Variants in CCNDBP1 observed in about 807,000 individuals in gnomAD.
CCNDBP1 encodes the protein cyclin-D1-binding protein 1.
In CCNDBP1, 45 loss-of-function variants were observed where a neutral mutation model predicts 46.2. The observed-to-expected ratio is 0.97, with a 90% CI of 0.77 to 1.25. The LOEUF (loss-of-function observed/expected upper bound fraction) is 1.25, where lower values mean the gene tolerates loss of function less well. CCNDBP1 is among the 50% of genes most tolerant of loss of function. The pLI, the probability that CCNDBP1 is intolerant of heterozygous loss-of-function variation, is 0.00. For synonymous variants in CCNDBP1, 154 were observed against 163.6 expected (o/e 0.94, Z 0.45); for missense variants, 436 against 442.1 (o/e 0.99, Z 0.12).
chr15:43,194,845 T>A lies in CCNDBP1; in HGVS notation c.*4T>A, dbSNP rs1355229543. The stretch of plus-strand genomic sequence containing the variant: ...TCAGAGTGAACTTGAATTATGACTT[T>A]TCAGGCTCATTTGTACTCTCTTCCC... On this transcript the variant is annotated 3_prime_UTR_variant, in exon 11 of 11. Coordinates refer to ENST00000300213, the MANE Select transcript of CCNDBP1 (RefSeq NM_012142.5). 6.4e-7 allele frequency: 1 copy of A among 1,558,712 alleles called. No homozygotes were observed. Among genetic ancestry groups the A allele is most frequent in the Non-Finnish European group, 8.9e-7 (1 of 1,129,622 alleles).
chr15:43,191,151 G>A, intron 7 of CCNDBP1, 109 bp downstream of exon 7: 1 of 925,392 alleles, frequency 1.1e-6, no homozygotes, highest in Non-Finnish European at 1.7e-6. Context: ...TCTCACTACT[G>A]TCCTCTGTCT....
At position 43,185,416 on chromosome 15, in the gene CCNDBP1, C is replaced by G; in HGVS notation, c.-83C>G. On this transcript the variant is annotated 5_prime_UTR_variant, in exon 1 of 11. Coordinates refer to ENST00000300213, the MANE Select transcript of CCNDBP1 (RefSeq NM_012142.5). ...CGGAAACGAGCCCTTGACGCTGTGGCCCGGAAGTGGAGCGGCTGTCGCAGT... is the reference window on the plus strand; with the variant it reads ...CGGAAACGAGCCCTTGACGCTGTGGGCCGGAAGTGGAGCGGCTGTCGCAGT... The G allele has an allele frequency of 9.1e-7, 1 of 1,101,758 alleles. No homozygotes were observed. Among genetic ancestry groups the G allele is most frequent in the East Asian group, 2.6e-5 (1 of 38,878 alleles). 68.2% of individuals were successfully genotyped at this position (1,101,758 alleles called of 1,614,324 possible).
intron 4 of CCNDBP1, 101 bp from the exon 5 acceptor site, chr15:43,189,954 G>A: frequency 1.1e-6 from 1 of 932,284 alleles, no homozygotes; most frequent in Non-Finnish European, 1.7e-6. Context: ...AAAGCATGTG[G>A]GTGTACATTA....
rs778951464 is a variant in CCNDBP1 at position 43,191,568 on chromosome 15, C to T, written c.753C>T (p.Ser251=). The change falls in exon 8 of 11, where the codon TCC becomes TCT. Residue 251 remains serine (S), a synonymous_variant. Transcript: ENST00000300213. ...IIPCLALVRA[S]KACLKKIRML... Reference sequence around the variant, plus strand: ...CATGCCTTGCGCTGGTGAGAGCATCCAAAGCCTGCCTGAAGAAAATTCGGA... The same window carrying T: ...CATGCCTTGCGCTGGTGAGAGCATCTAAAGCCTGCCTGAAGAAAATTCGGA... The T allele has an allele frequency of 1.2e-6, 2 of 1,614,030 alleles. No homozygotes were observed. Among genetic ancestry groups the T allele is most frequent in the East Asian group, 4.5e-5 (2 of 44,882 alleles).
chr15:43,188,115 A>G (rs190397764), intron 3 of CCNDBP1, among the ~76,000 whole-genome samples: 264 of 152,302 alleles, frequency 1.7e-3, no homozygotes, highest in Admixed American at 3.7e-3. Flanking sequence ...AAACACTCTC[A>G]GTCACTGCTT....
At position 43,189,220 on chromosome 15, in the gene CCNDBP1, C is replaced by A; in HGVS notation, c.271C>A (p.Gln91Lys). 1 of 1,610,146 alleles carries A rather than the reference C, an allele frequency of 6.2e-7. No homozygotes were observed. The highest frequency in any genetic ancestry group is 8.5e-7 in the Non-Finnish European group (1 of 1,177,946). The change falls in exon 4 of 11, where the codon CAA becomes AAA. Residue 91 changes from glutamine to lysine, a missense_variant. Physicochemically the swap from Gln to Lys is moderately conservative, Grantham distance 53. Coordinates refer to ENST00000300213, the MANE Select transcript of CCNDBP1 (RefSeq NM_012142.5). Reference protein sequence around the residue: ...SPQETQKFCEQVHAAIKAFIA... With the variant: ...SPQETQKFCEKVHAAIKAFIA... ...ATAGGAAACCCAGAAGTTCTGTGAA[C>A]AAGTCCATGCTGCCATCAAGGCATT... is the stretch of plus-strand genomic sequence containing the variant.
chr15:43,190,858 C>A, intron 6 of CCNDBP1, 108 bp from the exon 7 acceptor site: 1 of 852,974 alleles, frequency 1.2e-6, no homozygotes, highest in Non-Finnish European at 2.0e-6. Context: ...CCTTGTCAAC[C>A]GTCCTTGGCA....
intron 2 of CCNDBP1, 25 bp downstream of exon 2, chr15:43,185,904 C>A (rs771462816): frequency 1.9e-6 from 3 of 1,602,082 alleles, no homozygotes; most frequent in Non-Finnish European, 2.6e-6. Flanking sequence ...TTCCGGGCTC[C>A]CCTTGCCTCA....
rs1019105676 is a variant in CCNDBP1, at chr15:43,186,095, T to C, written c.170-59T>C. ...GAAGTCTCGGTCGGTAAGGGAAGTC[T>C]TCCAAGTCCGTGCAGCACTAACGTA... On this transcript the variant is annotated intron_variant, in intron 2 of 10. Transcript: ENST00000300213. 1.1e-5 allele frequency: 16 copies of C among 1,503,012 alleles called. No individual in the cohort carries two copies. The Admixed American group carries it at 2.5e-4, about 24-fold the overall frequency. 93.1% of individuals were successfully genotyped at this position (1,503,012 alleles called of 1,614,324 possible).
chr15:43,197,169 T>G lies in CCNDBP1; in HGVS notation c.*2328T>G. 7.5e-7 allele frequency: 1 copy of G among 1,326,670 alleles called. No homozygotes were observed. Among genetic ancestry groups the G allele is most frequent in the South Asian group, 1.3e-5 (1 of 79,014 alleles). 82.2% of individuals were successfully genotyped at this position (1,326,670 alleles called of 1,614,324 possible). A position where few individuals can be genotyped will look rare whatever the true frequency, so the allele number is the denominator to read the frequency against. Reference sequence around the variant, plus strand: ...CGTGAGCCAAATAAAGCTCTTTTCTTTTAAACTACCCAGCCTCAGTTATTC... The same window carrying G: ...CGTGAGCCAAATAAAGCTCTTTTCTGTTAAACTACCCAGCCTCAGTTATTC... On this transcript the variant is annotated 3_prime_UTR_variant, in exon 11 of 11. Transcript: ENST00000300213.
At chr15:43,194,299 C>A (rs2042010030) in intron 9 of CCNDBP1, 116 bp from the exon 10 acceptor site, 3 of 772,396 alleles carry the variant, frequency 3.9e-6, no homozygotes, top group Admixed American at 3.4e-5. Context: ...ATTTTGCATA[C>A]TTCCTTCAGG....
intron 4 of CCNDBP1, 126 bp downstream of exon 4, chr15:43,189,406 A>G: frequency 1.8e-6 from 1 of 566,886 alleles, no homozygotes; most frequent in Admixed American, 3.6e-5. Context: ...GTGAAGGATA[A>G]TTTTGTAATG....
Position 43,190,407 on chromosome 15 carries a change from A to G in CCNDBP1, c.502+9A>G. 3 of 1,613,526 alleles carry G rather than the reference A, an allele frequency of 1.9e-6. No homozygotes were observed. In the African/African-American group the frequency reaches 4.0e-5, roughly 22 times the overall value. ...GCCTCAGATACCAAGAGGTGAGTGA[A>G]AGTGGGCAGTGGGCCATGTCTGCTG... On this transcript the variant is annotated intron_variant, in intron 6 of 10. Transcript: ENST00000300213.
chr15:43,194,520 C>T (rs952182859), intron 10 of CCNDBP1, 59 bp downstream of exon 10: 25 of 1,327,612 alleles, frequency 1.9e-5, no homozygotes, highest in South Asian at 1.5e-4. Context: ...GCTGTCCAGA[C>T]GTTCTCAACT....
rs757054271 is a variant in CCNDBP1, at chr15:43,185,602, T to G, written c.104T>G (p.Val35Gly). Residue 35 changes from valine (V) to glycine (G), a missense_variant, in exon 1 of 11, where the codon GTG (valine) becomes GGG (glycine). Physicochemically the swap from Val to Gly is moderately radical, Grantham distance 109. Transcript: ENST00000300213. ...AEELRLLLPR[V>G]RVGEAQETTE... ...GAGCTGCGGTTGCTCCTGCCTCGAG[T>G]GCGGGGTGAGCTGACGGAGTTAGAA... The G allele has an allele frequency of 1.5e-6, 2 of 1,365,348 alleles. No individual in the cohort carries two copies. Among genetic ancestry groups the G allele is most frequent in the Non-Finnish European group, 1.9e-6 (2 of 1,035,126 alleles). 84.6% of individuals were successfully genotyped at this position (1,365,348 alleles called of 1,614,324 possible).
At position 43,190,160 on chromosome 15, in the gene CCNDBP1, G is replaced by A; in HGVS notation, c.428+9G>A. Reference sequence around the variant, plus strand: ...GTCACTCCAACTCAGAGGTAGTGATGCCACAGTTTAGGTTACCAGTTATTG... The same window carrying A: ...GTCACTCCAACTCAGAGGTAGTGATACCACAGTTTAGGTTACCAGTTATTG... On this transcript the variant is annotated intron_variant, in intron 5 of 10. Coordinates refer to ENST00000300213, the MANE Select transcript of CCNDBP1 (RefSeq NM_012142.5). 1 of 1,613,362 alleles carries A rather than the reference G, an allele frequency of 6.2e-7. No homozygotes were observed. Among genetic ancestry groups the A allele is most frequent in the Admixed American group, 1.7e-5 (1 of 59,988 alleles).
At chr15:43,194,503 C>A in intron 10 of CCNDBP1, 42 bp downstream of exon 10, 1 of 1,499,200 alleles carries the variant, frequency 6.7e-7, no homozygotes, top group Non-Finnish European at 9.2e-7. Flanking sequence ...GTGAGTAAAA[C>A]GGAACTGCTG....
At chr15:43,192,085 T>C (rs1239259737) in intron 8 of CCNDBP1, among the ~76,000 whole-genome samples, 1 of 152,200 alleles carries the variant, frequency 6.6e-6, no homozygotes, top group African/African-American at 2.4e-5. Flanking sequence ...ATCTAAAATG[T>C]CATATAAATT....
chr15:43,190,017 A>G (rs1371339910), intron 4 of CCNDBP1, 38 bp from the exon 5 acceptor site: 1 of 1,567,182 alleles, frequency 6.4e-7, no homozygotes, highest in South Asian at 1.1e-5. Context: ...GCTTCTGAAA[A>G]GAACACCAGG....
Sources: gnomAD v4.1 joint callset for allele counts (sites outside exome capture counted in the v4.1 genomes callset) on GRCh38, gnomAD v4.1.1 for gene constraint, MANE v1.5 for transcripts, NCBI Gene and HGNC (gene_info 2026-07-23, HGNC 2026-07-21) for gene names.